The following PPP1R12B variants were observed in gnomAD, a reference collection of about 807,000 sequenced individuals.
PPP1R12B encodes the protein protein phosphatase 1 regulatory subunit 12B, also known as myosin phosphatase target subunit 2.
PPP1R12B carries 76 observed loss-of-function variants against 126.1 expected under a neutral mutation model. The ratio of observed to expected loss-of-function variants is 0.60; its 90% CI spans 0.50 to 0.73. PPP1R12B has a LOEUF of 0.73. Among genes scored for constraint, PPP1R12B ranks in the 30% least tolerant of loss-of-function variants. The pLI, the probability that PPP1R12B is intolerant of heterozygous loss-of-function variation, is 0.00. For missense variants in PPP1R12B, 1,052 were observed against 1,205.1 expected (o/e 0.87, Z 1.88); for synonymous variants, 356 against 434.7 (o/e 0.82, Z 2.25).
intron 18 of PPP1R12B, among the ~76,000 whole-genome samples, chr1:202,509,445 C>T (rs1342109087): frequency 1.3e-5 from 2 of 152,174 alleles, no homozygotes; most frequent in African/African-American, 2.4e-5. Flanking sequence ...GTTCTCCTAG[C>T]GTGTCCCTAT....
chr1:202,411,824 T>C (rs2148601354), intron 1 of PPP1R12B, among the ~76,000 whole-genome samples: 1 of 152,274 alleles, frequency 6.6e-6, no homozygotes, highest in East Asian at 1.9e-4. Flanking sequence ...TCTGTCTGAC[T>C]CCAAAGCTGG....
chr1:202,449,243 G>A (rs1184693076), intron 13 of PPP1R12B, 72 bp downstream of exon 13: 4 of 1,466,808 alleles, frequency 2.7e-6, no homozygotes, highest in Non-Finnish European at 3.6e-6. Flanking sequence ...GGCATAAAGT[G>A]TTTTTCCCAA....
At chr1:202,440,223 A>G (rs1671430281) in intron 10 of PPP1R12B, among the ~76,000 whole-genome samples, 1 of 152,096 alleles carries the variant, frequency 6.6e-6, no homozygotes, top group Non-Finnish European at 1.5e-5. Context: ...CTCTTGCTTT[A>G]TATCTCTGGA....
At chr1:202,374,009 AT>A (rs1478758722) in intron 1 of PPP1R12B, among the ~76,000 whole-genome samples, 1 of 152,204 alleles carries the variant, frequency 6.6e-6, no homozygotes, top group East Asian at 1.9e-4. Context: ...ACCCTGGGAA[AT>A]TTAAAAGGAT....
chr1:202,558,649 A>G, intron 18 of PPP1R12B: 1 of 475,210 alleles, frequency 2.1e-6, no homozygotes, highest in South Asian at 3.3e-5. Flanking sequence ...AATGCCTCAA[A>G]TCTAGTGAAT....
At chr1:202,555,325 GAAAAAAAAAAAAAA>G (rs56752885) in intron 18 of PPP1R12B, among the ~76,000 whole-genome samples, 627 of 25,392 alleles carry the variant, frequency 0.025, 43 homozygotes, top group African/African-American at 0.094. Context: ...CTGTTTTAAT[GAAAAAAAAAAAAAA>G]AAAAAAAAAA....
chr1:202,527,407 A>T (rs1220559221), intron 18 of PPP1R12B: 1 of 152,246 alleles, frequency 6.6e-6, no homozygotes, highest in Non-Finnish European at 1.5e-5. Context: ...ACTGAGCCCC[A>T]TCAGGGAGGG....
At chr1:202,563,626 T>C (rs1427548467) in intron 20 of PPP1R12B, among the ~76,000 whole-genome samples, 10 of 120,362 alleles carry the variant, frequency 8.3e-5, no homozygotes, top group African/African-American at 2.9e-4. Flanking sequence ...TTGGTGTTAG[T>C]AAAAAAAAAA....
chr1:202,520,921 A>G (rs1328021337), intron 18 of PPP1R12B, among the ~76,000 whole-genome samples: 1 of 152,170 alleles, frequency 6.6e-6, no homozygotes, highest in African/African-American at 2.4e-5. Context: ...GGTGCTATGA[A>G]TGGATATGGG....
At chr1:202,378,773 C>T (rs559261403) in intron 1 of PPP1R12B, among the ~76,000 whole-genome samples, 28 of 152,286 alleles carry the variant, frequency 1.8e-4, no homozygotes, top group Admixed American at 4.6e-4. Flanking sequence ...CCATCGCGCC[C>T]GGCCATTTTT....
At chr1:202,516,835 C>T (rs1682201607) in intron 18 of PPP1R12B, among the ~76,000 whole-genome samples, 1 of 152,154 alleles carries the variant, frequency 6.6e-6, no homozygotes, top group Non-Finnish European at 1.5e-5. Context: ...GAATGAAAGG[C>T]AATTATACTT....
chr1:202,483,732 T>C (rs1442535962), intron 13 of PPP1R12B, among the ~76,000 whole-genome samples: 5 of 152,254 alleles, frequency 3.3e-5, no homozygotes, highest in African/African-American at 7.2e-5. Flanking sequence ...CCTACTGTTA[T>C]AGTATTGCAG....
rs370247192 is a variant in PPP1R12B at position 202,533,432 on chromosome 1, G to A, written c.2491-25445G>A. ...CAGCATCTTGAGTAGCTGGGACTAC[G>A]GTGGGCACCACCATGCCTTGCTAAT... On this transcript the variant is annotated intron_variant, in intron 18 of 23. Transcript: ENST00000608999. Among the ~76,000 whole-genome samples, 8 of 152,154 alleles carry A rather than the reference G, an allele frequency of 5.3e-5. No individual in the cohort carries two copies. The East Asian group carries it at 9.6e-4, about 18-fold the overall frequency.
At position 202,586,075 on chromosome 1, in the gene PPP1R12B, TC is replaced by T. The variant is rs1031967271; in HGVS notation, c.*5520del. 1.5e-4 allele frequency: 23 copies of T among 152,210 alleles called. No individual in the cohort carries two copies. The highest frequency in any genetic ancestry group is 5.5e-4 in the African/African-American group (23 of 41,448). The allele number at this position is 152,210 out of a possible 1,614,324, so 9.4% of individuals were successfully genotyped here. A position where few individuals can be genotyped will look rare whatever the true frequency, so the allele number is the denominator to read the frequency against. ...ACCTCAATCTTTAGTTCCATTGAGC[TC>T]CCCCTCTGGATTTTGGACTTACCAG... On this transcript the variant is annotated 3_prime_UTR_variant, in exon 24 of 24. Coordinates refer to ENST00000608999, the MANE Select transcript of PPP1R12B (RefSeq NM_002481.4).
At position 202,587,853 on chromosome 1, in the gene PPP1R12B, G is replaced by A. The variant is rs1689918364; in HGVS notation, c.*7293G>A. 1 of 152,200 alleles carries A rather than the reference G, an allele frequency of 6.6e-6. No homozygotes were observed. Among genetic ancestry groups the A allele is most frequent in the Non-Finnish European group, 1.5e-5 (1 of 68,070 alleles). 9.4% of individuals were successfully genotyped at this position (152,200 alleles called of 1,614,324 possible). A position where few individuals can be genotyped will look rare whatever the true frequency, so the allele number is the denominator to read the frequency against. ...CTGATGAAGAGAGGTTAGGTAAAGA[G>A]AGTTTGGAGGAAAAAAGACACCAGG... is the stretch of plus-strand genomic sequence containing the variant. On this transcript the variant is annotated 3_prime_UTR_variant, in exon 24 of 24. Transcript: ENST00000608999.
intron 1 of PPP1R12B, among the ~76,000 whole-genome samples, chr1:202,359,413 A>G (rs992797411): frequency 3.9e-5 from 6 of 152,002 alleles, no homozygotes; most frequent in Non-Finnish European, 8.8e-5. Context: ...GATTACAGTC[A>G]TGAGCCACCG....
intron 2 of PPP1R12B, among the ~76,000 whole-genome samples, chr1:202,418,700 G>T (rs1052921203): frequency 6.6e-6 from 1 of 151,962 alleles, no homozygotes; most frequent in Admixed American, 6.6e-5. Context: ...GTGGGGTGGC[G>T]GTGAGATGGC....
chr1:202,558,261 A>G (rs1220341831), intron 18 of PPP1R12B, among the ~76,000 whole-genome samples: 2 of 151,918 alleles, frequency 1.3e-5, no homozygotes, highest in African/African-American at 4.8e-5. Flanking sequence ...GGTTGTATCT[A>G]TAAAACTCCT....
chr1:202,523,200 A>G (rs750994463), intron 18 of PPP1R12B, among the ~76,000 whole-genome samples: 1 of 152,234 alleles, frequency 6.6e-6, no homozygotes, highest in Non-Finnish European at 1.5e-5. Context: ...AGTCAACAGT[A>G]TAGACAATGA....
Sources: allele counts gnomAD v4.1 joint callset (sites outside exome capture counted in the v4.1 genomes callset), GRCh38; gene constraint gnomAD v4.1.1; transcripts MANE v1.5; gene names NCBI Gene and HGNC (gene_info 2026-07-23, HGNC 2026-07-21).